Variants in DPY19L1 observed in about 807,000 individuals in gnomAD.
DPY19L1 encodes dpy-19 like C-mannosyltransferase 1.
DPY19L1 carries 35 observed loss-of-function variants against 96.9 expected under a neutral mutation model. That is an observed-to-expected ratio of 0.36 (90% CI 0.28 to 0.48). DPY19L1 has a LOEUF of 0.48. Among genes scored for constraint, DPY19L1 ranks in the 20% least tolerant of loss-of-function variants. DPY19L1 has a pLI of 0.99. For missense variants in DPY19L1, 521 were observed against 777.9 expected (o/e 0.67, Z 3.93); for synonymous variants, 205 against 252.6 (o/e 0.81, Z 1.79).
intron 6 of DPY19L1, among the ~76,000 whole-genome samples, chr7:35,007,789 C>G (rs1316467237): frequency 6.6e-6 from 1 of 152,058 alleles, no homozygotes; most frequent in East Asian, 1.9e-4. Context: ...TTGACAAACA[C>G]TGTGCTGAAG....
intron 1 of DPY19L1, among the ~76,000 whole-genome samples, chr7:35,021,849 A>G (rs1463241833): frequency 2.0e-5 from 3 of 152,206 alleles, no homozygotes; most frequent in Admixed American, 1.3e-4. Flanking sequence ...ATGAAAGAAA[A>G]AAATGCTGCA....
intron 8 of DPY19L1, among the ~76,000 whole-genome samples, chr7:34,972,553 G>T (rs1244526685): frequency 6.6e-6 from 1 of 152,120 alleles, no homozygotes; most frequent in Non-Finnish European, 1.5e-5. Flanking sequence ...CCACGGTCAA[G>T]AATGTGAATG....
chr7:34,973,089 A>G (rs990615149), intron 8 of DPY19L1, among the ~76,000 whole-genome samples: 1 of 152,164 alleles, frequency 6.6e-6, no homozygotes, highest in African/African-American at 2.4e-5. Context: ...AGGCAGCTAT[A>G]TTCAATATTT....
intron 7 of DPY19L1, among the ~76,000 whole-genome samples, chr7:34,983,333 T>C (rs532762037): frequency 6.6e-6 from 1 of 152,240 alleles, no homozygotes; most frequent in South Asian, 2.1e-4. Flanking sequence ...TCCAAGATAA[T>C]GTAGGTGTTG....
chr7:34,933,462 T>C (rs1388855249), intron 21 of DPY19L1, among the ~76,000 whole-genome samples: 2 of 152,208 alleles, frequency 1.3e-5, no homozygotes, highest in East Asian at 1.9e-4. Context: ...GATGCTGTGA[T>C]GGTCAGTATT....
chr7:34,980,123 G>A (rs1690602791), intron 7 of DPY19L1, among the ~76,000 whole-genome samples: 1 of 152,014 alleles, frequency 6.6e-6, no homozygotes, highest in Non-Finnish European at 1.5e-5. Flanking sequence ...CTTTATTTAT[G>A]ATACAAGGCC....
intron 1 of DPY19L1, among the ~76,000 whole-genome samples, chr7:35,020,003 G>A (rs1785955136): frequency 6.6e-6 from 1 of 152,016 alleles, no homozygotes; most frequent in African/African-American, 2.4e-5. Context: ...TACAAAGCAC[G>A]AGCCTATTGT....
intron 12 of DPY19L1, 61 bp from the exon 13 acceptor site, chr7:34,954,839 A>G: frequency 1.3e-6 from 1 of 781,058 alleles, no homozygotes; most frequent in Non-Finnish European, 2.0e-6. Context: ...TAGGCTAGGA[A>G]GAAAAAAATA....
chr7:34,987,641 G>T (rs1362329960), intron 7 of DPY19L1, among the ~76,000 whole-genome samples: 3 of 151,982 alleles, frequency 2.0e-5, no homozygotes, highest in African/African-American at 4.8e-5. Context: ...AGAAAGTAAG[G>T]TACCGGTTAG....
intron 1 of DPY19L1, among the ~76,000 whole-genome samples, chr7:35,028,401 T>A (rs1786179181): frequency 6.6e-6 from 1 of 152,234 alleles, no homozygotes; most frequent in Admixed American, 6.5e-5. Flanking sequence ...ATTAGGCTTC[T>A]AAACAGAGAA....
chr7:34,945,613 A>G (rs527782689), intron 16 of DPY19L1, 54 bp downstream of exon 16: 1 of 1,211,020 alleles, frequency 8.3e-7, no homozygotes, highest in African/African-American at 1.5e-5. Flanking sequence ...CACTGTAAAT[A>G]TCTATTTAAT....
chr7:34,960,981 T>C (rs1304747056), intron 10 of DPY19L1, among the ~76,000 whole-genome samples: 23 of 152,136 alleles, frequency 1.5e-4, no homozygotes, highest in Admixed American at 1.5e-3. Context: ...AAAAAACCTA[T>C]CTGAGCAAAA....
intron 7 of DPY19L1, among the ~76,000 whole-genome samples, chr7:34,981,637 T>C (rs551274666): frequency 4.7e-4 from 71 of 152,332 alleles, no homozygotes; most frequent in African/African-American, 1.7e-3. Context: ...CAACATCATA[T>C]GTGCCATATT....
chr7:34,939,419 C>G (rs760999390), intron 19 of DPY19L1, 44 bp from the exon 20 acceptor site: 8 of 1,520,454 alleles, frequency 5.3e-6, no homozygotes, highest in African/African-American at 1.4e-5. Flanking sequence ...TCAGTGAAGG[C>G]GAGAAGGTGT....
intron 21 of DPY19L1, among the ~76,000 whole-genome samples, chr7:34,933,345 G>C (rs1783797996): frequency 6.6e-6 from 1 of 152,140 alleles, no homozygotes; most frequent in African/African-American, 2.4e-5. Context: ...TTCGCATCCT[G>C]GTAGCTTAGT....
chr7:35,000,172 T>C (rs1286896290), intron 6 of DPY19L1, among the ~76,000 whole-genome samples: 2 of 152,166 alleles, frequency 1.3e-5, no homozygotes, highest in Non-Finnish European at 2.9e-5. Flanking sequence ...TCTTGATCTT[T>C]GCCAAAAAAT....
chr7:34,936,942 C>T (rs747387856), intron 21 of DPY19L1, among the ~76,000 whole-genome samples: 6 of 152,114 alleles, frequency 3.9e-5, no homozygotes, highest in African/African-American at 7.2e-5. Flanking sequence ...ATCTCTTGAA[C>T]GCTTTTGTTT....
chr7:35,015,574 T>C (rs1157635251), intron 3 of DPY19L1, among the ~76,000 whole-genome samples: 2 of 152,258 alleles, frequency 1.3e-5, no homozygotes, highest in Non-Finnish European at 2.9e-5. Flanking sequence ...CTGTATGGTC[T>C]GAAAGAGGGA....
chr7:35,032,492 A>G (rs1185894572), intron 1 of DPY19L1, among the ~76,000 whole-genome samples: 2 of 152,166 alleles, frequency 1.3e-5, no homozygotes, highest in South Asian at 2.1e-4. Flanking sequence ...ATAAGATGCT[A>G]TTGTTCCCCT....
Sources: allele counts gnomAD v4.1 joint callset (sites outside exome capture counted in the v4.1 genomes callset), GRCh38; gene constraint gnomAD v4.1.1; transcripts MANE v1.5; gene names NCBI Gene and HGNC (gene_info 2026-07-23, HGNC 2026-07-21).